RNU5B-1: variants seen among roughly 807,000 people sequenced by gnomAD.
RNU5B-1 encodes RNA, U5B small nuclear pseudogene 1.
chr15:65,304,708 C>G (rs542461187), exon 1 of RNU5B-1: 10 of 152,236 alleles, frequency 6.6e-5, no homozygotes, highest in South Asian at 2.1e-4. Context: ...TCGTATAAAT[C>G]TTTCGCCTTT....
At chr15:65,304,745 A>G (rs549310079) in exon 1 of RNU5B-1, 97 of 152,326 alleles carry the variant, frequency 6.4e-4, no homozygotes, top group African/African-American at 1.8e-3. Context: ...GGAGAGGAAC[A>G]ACTCTGAGTC....
At chr15:65,304,779 G>C (rs762301845) in exon 1 of RNU5B-1, 1 of 151,978 alleles carries the variant, frequency 6.6e-6, no homozygotes. Flanking sequence ...TTGAGGCCTT[G>C]TTCCGACAAG....
chr15:65,304,710 T>G (rs942819778), exon 1 of RNU5B-1: 3 of 152,202 alleles, frequency 2.0e-5, no homozygotes, highest in Non-Finnish European at 2.9e-5. Flanking sequence ...GTATAAATCT[T>G]TCGCCTTTTA....
chr15:65,304,762 T>G (rs542129912), exon 1 of RNU5B-1: 11 of 152,220 alleles, frequency 7.2e-5, no homozygotes, highest in African/African-American at 2.2e-4. Flanking sequence ...AGTCTTAAGC[T>G]AATTTTTTGA....
exon 1 of RNU5B-1, chr15:65,304,679 A>C (rs77744677): frequency 2.0e-5 from 3 of 152,218 alleles, no homozygotes; most frequent in East Asian, 3.9e-4. Flanking sequence ...TAACAAGCAT[A>C]CTCTGGTTTC....
At chr15:65,304,777 T>A (rs963911612) in exon 1 of RNU5B-1, 1 of 152,130 alleles carries the variant, frequency 6.6e-6, no homozygotes, top group Non-Finnish European at 1.5e-5. Context: ...TTTTGAGGCC[T>A]TGTTCCGACA....
exon 1 of RNU5B-1, chr15:65,304,733 G>A (rs940555394): frequency 6.6e-6 from 1 of 152,122 alleles, no homozygotes; most frequent in Non-Finnish European, 1.5e-5. Context: ...AAAGATTTCC[G>A]TGGAGAGGAA....
exon 1 of RNU5B-1, chr15:65,304,736 G>A (rs1455232419): frequency 2.0e-5 from 3 of 152,156 alleles, no homozygotes; most frequent in African/African-American, 4.8e-5. Flanking sequence ...GATTTCCGTG[G>A]AGAGGAACAA....
At chr15:65,304,686 T>G (rs1187112651) in exon 1 of RNU5B-1, 1 of 152,238 alleles carries the variant, frequency 6.6e-6, no homozygotes, top group African/African-American at 2.4e-5. Context: ...CATACTCTGG[T>G]TTCTCTTCAG....
At chr15:65,304,740 G>C (rs1045254220) in exon 1 of RNU5B-1, 1 of 152,152 alleles carries the variant, frequency 6.6e-6, no homozygotes, top group Non-Finnish European at 1.5e-5. Context: ...TCCGTGGAGA[G>C]GAACAACTCT....
chr15:65,304,774 G>T (rs190633152), exon 1 of RNU5B-1: 6 of 152,224 alleles, frequency 3.9e-5, no homozygotes, highest in Admixed American at 3.3e-4. Context: ...ATTTTTTGAG[G>T]CCTTGTTCCG....
chr15:65,304,712 C>T (rs1481027776), exon 1 of RNU5B-1: 2 of 152,128 alleles, frequency 1.3e-5, no homozygotes, highest in Non-Finnish European at 1.5e-5. Context: ...ATAAATCTTT[C>T]GCCTTTTACT....
exon 1 of RNU5B-1, chr15:65,304,721 C>G (rs746512181): frequency 6.6e-6 from 1 of 152,140 alleles, no homozygotes; most frequent in Non-Finnish European, 1.5e-5. Context: ...TCGCCTTTTA[C>G]TAAAGATTTC....
chr15:65,304,792 T>A (rs527242926), exon 1 of RNU5B-1: 1 of 149,762 alleles, frequency 6.7e-6, no homozygotes, highest in Non-Finnish European at 1.5e-5. Flanking sequence ...CCGACAAGGC[T>A]ATATAAAGCT....
exon 1 of RNU5B-1, chr15:65,304,699 C>G (rs374899023): frequency 5.3e-5 from 8 of 152,152 alleles, no homozygotes; most frequent in Admixed American, 1.3e-4. Context: ...CTCTTCAGAT[C>G]GTATAAATCT....
At chr15:65,304,746 A>C (rs567693078) in exon 1 of RNU5B-1, 1 of 152,124 alleles carries the variant, frequency 6.6e-6, no homozygotes, top group Non-Finnish European at 1.5e-5. Context: ...GAGAGGAACA[A>C]CTCTGAGTCT....
chr15:65,304,693 T>TA (rs1463706931), exon 1 of RNU5B-1: 2 of 152,214 alleles, frequency 1.3e-5, no homozygotes, highest in Non-Finnish European at 2.9e-5. Context: ...TGGTTTCTCT[T>TA]CAGATCGTAT....
At chr15:65,304,766 T>A (rs905341473) in exon 1 of RNU5B-1, 1 of 152,190 alleles carries the variant, frequency 6.6e-6, no homozygotes, top group Non-Finnish European at 1.5e-5. Flanking sequence ...TTAAGCTAAT[T>A]TTTTGAGGCC....
exon 1 of RNU5B-1, chr15:65,304,696 G>C (rs759643309): frequency 2.6e-5 from 4 of 152,174 alleles, no homozygotes; most frequent in East Asian, 3.9e-4. Context: ...TTTCTCTTCA[G>C]ATCGTATAAA....
Sources: gnomAD v4.1 joint callset for allele counts on GRCh38, gnomAD v4.1.1 for gene constraint, MANE v1.5 for transcripts, NCBI Gene and HGNC (gene_info 2026-07-23, HGNC 2026-07-21) for gene names.